The following TACC2 variants were observed in gnomAD, a reference collection of about 807,000 sequenced individuals.
The protein encoded by TACC2 is transforming acidic coiled-coil containing protein 2.
In TACC2, 137 loss-of-function variants were observed where a neutral mutation model predicts 227.3. That is an observed-to-expected ratio of 0.60 (90% CI 0.52 to 0.69). The LOEUF is 0.69. Among genes scored for constraint, TACC2 ranks in the 30% least tolerant of loss-of-function variants. The pLI, the probability that TACC2 is intolerant of heterozygous loss-of-function variation, is 0.00. For synonymous variants in TACC2, 1,523 were observed against 1,487.5 expected (o/e 1.02, Z -0.55); for missense variants, 3,470 against 3,694.4 (o/e 0.94, Z 1.57).
At position 122,141,973 on chromosome 10, in the gene TACC2, G is replaced by A. The variant is rs2090635501; in HGVS notation, c.5700-1599G>A. Among the ~76,000 whole-genome samples the A allele has an allele frequency of 6.6e-6, 1 of 152,172 alleles. No individual in the cohort carries two copies. Among genetic ancestry groups the A allele is most frequent in the South Asian group, 2.1e-4 (1 of 4,830 alleles). ...CTCTTAAGGAGCTTAAATGCCTCTG[G>A]TAGTTTGCATTATTCATTTTGAGTC... is the stretch of plus-strand genomic sequence containing the variant. On this transcript the variant is annotated intron_variant, in intron 6 of 22. Coordinates refer to ENST00000369005, the MANE Select transcript of TACC2 (RefSeq NM_206862.4). This position sits in a 1 kb window ranked among gnomAD's most constrained non-coding sequence, Gnocchi z 4.3.
In TACC2 at chr10:122,084,872, TG is replaced by T. The variant is rs1312059846; in HGVS notation, c.2376del (p.Leu793SerfsTer22). On this transcript the variant is annotated frameshift_variant, in exon 4 of 23. Transcript: ENST00000369005. LOFTEE classifies it high-confidence loss of function. Reference sequence around the variant, plus strand: ...CAGGGGGAGAACTTGGCAGCAGACCTGGGGCTCACGGCACTCATCCTGGACC... The same window carrying T: ...CAGGGGGAGAACTTGGCAGCAGACCTGGGCTCACGGCACTCATCCTGGACC... Reference protein sequence around the residue: ...PPQGENLAADLGLTALILDQD... With the variant: ...PPQGENLAADXGLTALILDQD... 6.2e-7 allele frequency: 1 copy of T among 1,613,982 alleles called. No individual in the cohort carries two copies. Among genetic ancestry groups the T allele is most frequent in the Non-Finnish European group, 8.5e-7 (1 of 1,179,998 alleles).
intron 2 of TACC2, among the ~76,000 whole-genome samples, chr10:122,034,927 CAAAAAA>C (rs66566854): frequency 8.6e-6 from 1 of 116,200 alleles, no homozygotes; most frequent in African/African-American, 3.2e-5. Context: ...GACTCCATCT[CAAAAAA>C]AAAAAAAAAA....
At chr10:122,060,292 G>GCGCCCA (rs2076652189) in intron 3 of TACC2, among the ~76,000 whole-genome samples, 1 of 152,206 alleles carries the variant, frequency 6.6e-6, no homozygotes, top group South Asian at 2.1e-4. Context: ...GTCAAAGAAG[G>GCGCCCA]GGCCCAGGTA....
intron 2 of TACC2, among the ~76,000 whole-genome samples, chr10:122,029,795 T>C (rs908281025): frequency 5.3e-5 from 8 of 151,950 alleles, no homozygotes; most frequent in Non-Finnish European, 1.2e-4. Flanking sequence ...TTAGTCCTGC[T>C]CATTAACAAA....
intron 7 of TACC2, among the ~76,000 whole-genome samples, chr10:122,146,024 G>A (rs144741217): frequency 3.0e-4 from 45 of 152,342 alleles, no homozygotes; most frequent in African/African-American, 9.9e-4. Flanking sequence ...GACAGGCACC[G>A]TCCTGCCCTC....
intron 7 of TACC2, among the ~76,000 whole-genome samples, chr10:122,171,208 C>G (rs1014526760): frequency 6.6e-6 from 1 of 152,200 alleles, no homozygotes; most frequent in Non-Finnish European, 1.5e-5. Flanking sequence ...CCTCCTTATT[C>G]AGAAGGACTT....
At chr10:122,115,646 G>A (rs924087068) in intron 5 of TACC2, among the ~76,000 whole-genome samples, 3 of 152,216 alleles carry the variant, frequency 2.0e-5, no homozygotes, top group African/African-American at 7.2e-5. Flanking sequence ...GAAAGAAAGG[G>A]TCTCTGGGCT....
intron 22 of TACC2, among the ~76,000 whole-genome samples, chr10:122,253,067 A>T (rs556286455): frequency 6.6e-6 from 1 of 152,194 alleles, no homozygotes; most frequent in Non-Finnish European, 1.5e-5. Flanking sequence ...AACAGAGGGC[A>T]CGTGGCTCTG....
At chr10:122,174,792 C>T (rs1257968192) in intron 7 of TACC2, among the ~76,000 whole-genome samples, 2 of 152,150 alleles carry the variant, frequency 1.3e-5, no homozygotes, top group African/African-American at 2.4e-5. Context: ...AACTGTTGAA[C>T]TAACCAGTAG....
chr10:122,249,750 C>G, intron 22 of TACC2, 86 bp downstream of exon 22: 1 of 1,458,172 alleles, frequency 6.9e-7, no homozygotes, highest in South Asian at 1.4e-5. Context: ...GGCTGGGCTT[C>G]CCTGGCCACT....
In TACC2 at chr10:122,165,683, C is replaced by T. The variant is rs186745379; in HGVS notation, c.5834+21977C>T. 1.7e-3 allele frequency among the ~76,000 whole-genome samples: 258 copies of T among 152,280 alleles called. 2 individuals are homozygous for T. Among genetic ancestry groups the T allele is most frequent in the African/African-American group, 5.8e-3 (240 of 41,560 alleles). ...ACAGTTGAGTTGGTCCATATGCCCC[C>T]GCCTGAGGCTTCTCTCCCTAGAACT... On this transcript the variant is annotated intron_variant, in intron 7 of 22. Transcript: ENST00000369005.
chr10:122,228,019 T>C lies in TACC2; in HGVS notation c.7896+11T>C. On this transcript the variant is annotated intron_variant, in intron 14 of 22. Coordinates refer to ENST00000369005, the MANE Select transcript of TACC2 (RefSeq NM_206862.4). Reference sequence around the variant, plus strand: ...GAAGCGATTGAAATTGTAAGTGGAGTTGGAGGGCCCCAGATCACAGGGGAT... The same window carrying C: ...GAAGCGATTGAAATTGTAAGTGGAGCTGGAGGGCCCCAGATCACAGGGGAT... 1.9e-6 allele frequency: 3 copies of C among 1,609,692 alleles called. No homozygotes were observed. Among genetic ancestry groups the C allele is most frequent in the Middle Eastern group, 2.1e-4 (1 of 4,870 alleles).
intron 1 of TACC2, among the ~76,000 whole-genome samples, chr10:122,015,785 G>A (rs1487010596): frequency 6.6e-6 from 1 of 151,272 alleles, no homozygotes; most frequent in East Asian, 2.0e-4. Context: ...CCGGGAGGGG[G>A]AGGTTGCAGT....
At chr10:122,113,946 C>T (rs1449129143) in intron 5 of TACC2, among the ~76,000 whole-genome samples, 1 of 152,252 alleles carries the variant, frequency 6.6e-6, no homozygotes, top group Non-Finnish European at 1.5e-5. Flanking sequence ...GAATACACCA[C>T]GCTGTGGCCA....
At chr10:122,164,092 G>T (rs2093001273) in intron 7 of TACC2, 1 of 1,408,682 alleles carries the variant, frequency 7.1e-7, no homozygotes. Context: ...GCAACCTGGA[G>T]CCCAGGCTGG....
At chr10:122,057,427 T>C (rs1220880582) in intron 3 of TACC2, among the ~76,000 whole-genome samples, 1 of 151,732 alleles carries the variant, frequency 6.6e-6, no homozygotes, top group African/African-American at 2.4e-5. Flanking sequence ...AGTCAAAGAA[T>C]GAGAAATAAA....
At chr10:122,045,299 C>G (rs2074842243) in intron 2 of TACC2, among the ~76,000 whole-genome samples, 1 of 152,166 alleles carries the variant, frequency 6.6e-6, no homozygotes, top group Non-Finnish European at 1.5e-5. Context: ...AGCAAAATGG[C>G]AGAGGCCATA....
At chr10:122,224,036 C>T (rs1001296779) in intron 11 of TACC2, among the ~76,000 whole-genome samples, 5 of 152,056 alleles carry the variant, frequency 3.3e-5, no homozygotes, top group African/African-American at 1.2e-4. Flanking sequence ...TCCAGGTACT[C>T]GAGGCAGGCA....
At chr10:122,032,134 C>G (rs11200355) in intron 2 of TACC2, among the ~76,000 whole-genome samples, 1 of 151,994 alleles carries the variant, frequency 6.6e-6, no homozygotes, top group Non-Finnish European at 1.5e-5. Context: ...ATGCACCCGC[C>G]TCAACAGGGC....
Sources: gnomAD v4.1 joint callset for allele counts (sites outside exome capture counted in the v4.1 genomes callset) on GRCh38, gnomAD v4.1.1 for gene constraint, Gnocchi (gnomAD v3.1) non-coding constraint, MANE v1.5 for transcripts, NCBI Gene and HGNC (gene_info 2026-07-23, HGNC 2026-07-21) for gene names.